The following NEO1 variants were observed in gnomAD, a reference collection of about 807,000 sequenced individuals.
NEO1 encodes neogenin 1.
In NEO1, 63 loss-of-function variants were observed where a neutral mutation model predicts 159.7. That is an observed-to-expected ratio of 0.39 (90% CI 0.32 to 0.49). The LOEUF (loss-of-function observed/expected upper bound fraction) is 0.49. Ranked by LOEUF, NEO1 falls within the 20% of genes least tolerant of loss-of-function variation. The pLI, the probability that NEO1 is intolerant of heterozygous loss-of-function variation, is 0.85. For synonymous variants in NEO1, 633 were observed against 662.0 expected, an observed-to-expected ratio of 0.96 and a Z score of 0.67; for missense variants, 1,615 against 1,831.0, an observed-to-expected ratio of 0.88 and a Z score of 2.15.
chr15:73,099,309 G>A (rs369887225), intron 1 of NEO1, among the ~76,000 whole-genome samples: 17 of 152,260 alleles, frequency 1.1e-4, no homozygotes, highest in African/African-American at 3.1e-4. Flanking sequence ...ATGACAGGAC[G>A]ACAGCTTACC....
intron 5 of NEO1, among the ~76,000 whole-genome samples, chr15:73,154,440 C>A (rs1273748760): frequency 4.6e-5 from 7 of 152,148 alleles, no homozygotes; most frequent in Admixed American, 2.0e-4. Flanking sequence ...AATTCTAGAT[C>A]TTATTAATTC....
chr15:73,054,470 G>A (rs1377881630), intron 1 of NEO1, among the ~76,000 whole-genome samples: 2 of 152,200 alleles, frequency 1.3e-5, no homozygotes, highest in Non-Finnish European at 2.9e-5. Context: ...AGTCTGGTGT[G>A]TGGGTAGGAA....
intron 7 of NEO1, among the ~76,000 whole-genome samples, chr15:73,200,577 TAG>T (rs962249186): frequency 1.7e-4 from 25 of 148,638 alleles, no homozygotes; most frequent in African/African-American, 6.0e-4. Flanking sequence ...AGGGAGTCTC[TAG>T]AGAGAGAGAG....
At chr15:73,190,820 CTGAA>C (rs2036197990) in intron 7 of NEO1, among the ~76,000 whole-genome samples, 1 of 151,936 alleles carries the variant, frequency 6.6e-6, no homozygotes. Flanking sequence ...TTTCTAAAGA[CTGAA>C]TATGTATCTG....
intron 7 of NEO1, among the ~76,000 whole-genome samples, chr15:73,186,342 CA>C (rs974544083): frequency 6.0e-5 from 9 of 150,018 alleles, no homozygotes; most frequent in Admixed American, 1.3e-4. Flanking sequence ...AAAAGGCAAC[CA>C]AAAAAAAGGC....
At chr15:73,101,575 G>A (rs2070403530) in intron 1 of NEO1, among the ~76,000 whole-genome samples, 1 of 152,184 alleles carries the variant, frequency 6.6e-6, no homozygotes, top group South Asian at 2.1e-4. Flanking sequence ...CATGTGCTGA[G>A]GCCTGGAAAT....
At chr15:73,132,372 G>A (rs1046578746) in intron 4 of NEO1, among the ~76,000 whole-genome samples, 3 of 151,556 alleles carry the variant, frequency 2.0e-5, no homozygotes, top group African/African-American at 7.3e-5. Context: ...GTTTCTTCAC[G>A]AAGTCTGAGT....
intron 5 of NEO1, among the ~76,000 whole-genome samples, chr15:73,139,236 A>G (rs1226411165): frequency 1.3e-5 from 2 of 152,164 alleles, no homozygotes; most frequent in African/African-American, 4.8e-5. Context: ...AAAAGAGGGG[A>G]AAAGCTTATT....
chr15:73,252,141 C>T (rs1196098561), intron 11 of NEO1, among the ~76,000 whole-genome samples: 3 of 152,176 alleles, frequency 2.0e-5, no homozygotes, highest in Admixed American at 6.5e-5. Context: ...CAGAAAGGAG[C>T]AAGACACATT....
At chr15:73,117,239 A>C (rs1231122711) in intron 2 of NEO1, among the ~76,000 whole-genome samples, 28 of 152,214 alleles carry the variant, frequency 1.8e-4, no homozygotes, top group Non-Finnish European at 1.5e-5. Context: ...GTAAAGTCAG[A>C]ATCCTGGTTC....
At position 73,288,371 on chromosome 15, in the gene NEO1, G is replaced by C; in HGVS notation, c.3469G>C (p.Asp1157His). 1 of 1,614,150 alleles carries C rather than the reference G, an allele frequency of 6.2e-7. No individual in the cohort carries two copies. Among genetic ancestry groups the C allele is most frequent in the Non-Finnish European group, 8.5e-7 (1 of 1,180,024 alleles). ...TCATAAGTACAAAGGGAATTCCAAAGATGTGAAACCTCCAGATCTCTGGAT... is the reference window on the plus strand; with the variant it reads ...TCATAAGTACAAAGGGAATTCCAAACATGTGAAACCTCCAGATCTCTGGAT... ...GSHKYKGNSKDVKPPDLWIHH... is the reference protein window; with the variant it reads ...GSHKYKGNSKHVKPPDLWIHH... The change falls in exon 24 of 29, where the codon GAT becomes CAT. Residue 1157 changes from aspartate (D) to histidine (H), a missense_variant. Asp to His is a moderately conservative substitution (Grantham distance 81). Coordinates refer to ENST00000261908, the MANE Select transcript of NEO1 (RefSeq NM_002499.4).
chr15:73,274,097 T>C, intron 20 of NEO1, 92 bp downstream of exon 20: 3 of 1,201,470 alleles, frequency 2.5e-6, no homozygotes, highest in Admixed American at 5.0e-5. Flanking sequence ...CTGTGGATAG[T>C]ATATGAAGTC....
At chr15:73,117,912 C>A (rs1479042388) in intron 2 of NEO1, among the ~76,000 whole-genome samples, 1 of 151,716 alleles carries the variant, frequency 6.6e-6, no homozygotes, top group Non-Finnish European at 1.5e-5. Context: ...TTCCTTCTTT[C>A]CTCTTTTTAT....
chr15:73,065,701 C>T (rs1033524158), intron 1 of NEO1, among the ~76,000 whole-genome samples: 20 of 152,104 alleles, frequency 1.3e-4, no homozygotes, highest in Admixed American at 6.6e-4. Flanking sequence ...GTATTTATCC[C>T]GCTTATTGAG....
chr15:73,276,678 A>AT (rs1166752073), intron 21 of NEO1, among the ~76,000 whole-genome samples: 1 of 152,144 alleles, frequency 6.6e-6, no homozygotes, highest in African/African-American at 2.4e-5. Context: ...TAGTCACTGG[A>AT]TTTATTCTGT....
intron 1 of NEO1, among the ~76,000 whole-genome samples, chr15:73,077,844 T>G (rs528451073): frequency 6.6e-6 from 1 of 152,168 alleles, no homozygotes; most frequent in South Asian, 2.1e-4. Flanking sequence ...GTTACTTCCA[T>G]GAAGCAACTC....
chr15:73,148,529 G>A (rs990472790), intron 5 of NEO1, among the ~76,000 whole-genome samples: 3 of 152,048 alleles, frequency 2.0e-5, no homozygotes, highest in Non-Finnish European at 2.9e-5. Context: ...TTCTTCCCCC[G>A]CTACCTATTT....
chr15:73,129,168 A>G (rs1315538615), intron 4 of NEO1, among the ~76,000 whole-genome samples: 1 of 152,200 alleles, frequency 6.6e-6, no homozygotes, highest in African/African-American at 2.4e-5. Flanking sequence ...TGGCCAATAT[A>G]TTTAGCTTGA....
intron 1 of NEO1, among the ~76,000 whole-genome samples, chr15:73,113,026 A>G (rs959811568): frequency 1.3e-5 from 2 of 152,086 alleles, no homozygotes; most frequent in African/African-American, 4.8e-5. Flanking sequence ...CCAAATATAT[A>G]TAGCTCTGTT....
Sources: gnomAD v4.1 joint callset for allele counts (sites outside exome capture counted in the v4.1 genomes callset) on GRCh38, gnomAD v4.1.1 for gene constraint, MANE v1.5 for transcripts, NCBI Gene and HGNC (gene_info 2026-07-23, HGNC 2026-07-21) for gene names.